Variants in MATN3 observed in about 807,000 individuals in gnomAD.
MATN3 encodes the protein matrilin-3.
MATN3 carries 48 observed loss-of-function variants against 45.3 expected under a neutral mutation model. The ratio of observed to expected loss-of-function variants is 1.06; its 90% CI spans 0.84 to 1.35. The LOEUF is 1.35. Ranked by LOEUF, MATN3 falls within the 40% of genes most tolerant of loss-of-function variation. The pLI, the probability that MATN3 is intolerant of heterozygous loss-of-function variation, is 0.00. For missense variants in MATN3, 599 were observed against 628.0 expected, an observed-to-expected ratio of 0.95 and a Z score of 0.49; for synonymous variants, 217 against 245.9, an observed-to-expected ratio of 0.88 and a Z score of 1.10.
At position 20,012,457 on chromosome 2, in the gene MATN3, C is replaced by T. The variant is rs1046832179; in HGVS notation, c.175G>A (p.Gly59Ser). The T allele has an allele frequency of 3.4e-5, 42 of 1,229,228 alleles. No homozygotes were observed. The highest frequency in any genetic ancestry group is 4.1e-5 in the Non-Finnish European group (40 of 986,402). The allele number at this position is 1,229,228 out of a possible 1,614,324, so 76.1% of individuals were successfully genotyped here. A position where few individuals can be genotyped will look rare whatever the true frequency, so the allele number is the denominator to read the frequency against. Residue 59 changes from glycine (G) to serine (S), a missense_variant, in exon 1 of 8, where the codon GGC (glycine) becomes AGC (serine). Coordinates refer to ENST00000407540, the MANE Select transcript of MATN3 (RefSeq NM_002381.5). The surrounding 1 kb of genome is among the most constrained non-coding windows in gnomAD (Gnocchi z 4.3). ...TCGCTGGTCCCGGAAGCGGGCGCGC[C>T]GTCGGGAGCCGCAGGAGAGGGGCGG... ...GRRPSPAAPD[G>S]APASGTSEPG...
rs764958397 is a variant in MATN3, at chr2:20,003,325, AGG to A, written c.791-41_791-40del. 2.3e-3 allele frequency: 3,615 copies of A among 1,553,436 alleles called. 4 individuals carry two copies. Among genetic ancestry groups the A allele is most frequent in the Non-Finnish European group, 2.9e-3 (3,314 of 1,140,502 alleles). On this transcript the variant is annotated intron_variant, in intron 2 of 7. Transcript: ENST00000407540. ...TTTACAACAGTCAGCACTGACACTTAGGAAACATCTCAGATACCGTCTCCCAT... is the reference window on the plus strand; with the variant it reads ...TTTACAACAGTCAGCACTGACACTTAAAACATCTCAGATACCGTCTCCCAT...
At chr2:20,001,344 C>T (rs1244445001) in intron 4 of MATN3, among the ~76,000 whole-genome samples, 1 of 152,196 alleles carries the variant, frequency 6.6e-6, no homozygotes, top group South Asian at 2.1e-4. Flanking sequence ...TTCACATCTC[C>T]GTCCTCTCCA....
chr2:20,000,635 C>A (rs974887194), intron 4 of MATN3, 69 bp from the exon 5 acceptor site: 1 of 1,454,262 alleles, frequency 6.9e-7, no homozygotes, highest in East Asian at 2.5e-5. Flanking sequence ...AGGATAGAAA[C>A]CTTATTTGCA....
chr2:19,994,386 C>A lies in MATN3; in HGVS notation c.1318G>T (p.Val440Phe). The change falls in exon 7 of 8, where the codon GTT becomes TTT. Residue 440 changes from valine (V) to phenylalanine (F), a missense_variant. Physicochemically the swap from Val to Phe is conservative, Grantham distance 50. Transcript: ENST00000407540. ...CATCCACAAGCATCTTCAGTGGAAACAAGTCTTCGTGCTTCCTCAGTGGCT... is the reference window on the plus strand; with the variant it reads ...CATCCACAAGCATCTTCAGTGGAAAAAAGTCTTCGTGCTTCCTCAGTGGCT... ...CSATEEARRL[V>F]STEDACGCEA... The A allele has an allele frequency of 1.2e-6, 2 of 1,612,454 alleles. No homozygotes were observed. Among genetic ancestry groups the A allele is most frequent in the South Asian group, 2.2e-5 (2 of 90,832 alleles).
At chr2:20,006,337 C>A (rs1397009175) in intron 1 of MATN3, 27 bp from the exon 2 acceptor site, 2 of 1,463,868 alleles carry the variant, frequency 1.4e-6, no homozygotes, top group Admixed American at 2.2e-5. Flanking sequence ...AATGATCAGA[C>A]CACAATTAGA....
intron 2 of MATN3, among the ~76,000 whole-genome samples, chr2:20,005,367 CAG>C (rs1277048647): frequency 1.3e-5 from 2 of 152,042 alleles, no homozygotes; most frequent in African/African-American, 2.4e-5. Context: ...AAATATGTAT[CAG>C]GGGAAAAAAA....
chr2:20,003,190 G>A lies in MATN3; in HGVS notation c.887C>T (p.Thr296Ile), dbSNP rs780933792. Residue 296 changes from threonine to isoleucine, a missense_variant, in exon 3 of 8, where the codon ACC (threonine) becomes ATC (isoleucine). Physicochemically the swap from Thr to Ile is moderately conservative, Grantham distance 89. Coordinates refer to ENST00000407540, the MANE Select transcript of MATN3 (RefSeq NM_002381.5). ...ACACGTTTTCTTGTCGGCATTCAAGGTGTATCCTTGGCTACACTCACAGTG... is the reference window on the plus strand; with the variant it reads ...ACACGTTTTCTTGTCGGCATTCAAGATGTATCCTTGGCTACACTCACAGTG... ...KHHCECSQGYTLNADKKTCSA... is the reference protein window; with the variant it reads ...KHHCECSQGYILNADKKTCSA... 3 of 1,613,892 alleles carry A rather than the reference G, an allele frequency of 1.9e-6. No individual in the cohort carries two copies. The highest frequency in any genetic ancestry group is 2.7e-5 in the African/African-American group (2 of 74,936).
chr2:20,002,263 G>T (rs1378159292), intron 3 of MATN3, among the ~76,000 whole-genome samples, 183 bp from the exon 4 acceptor site: 1 of 152,028 alleles, frequency 6.6e-6, no homozygotes, highest in Admixed American at 6.6e-5. Flanking sequence ...CTTTCACTAA[G>T]AGACCCTGTG....
intron 4 of MATN3, among the ~76,000 whole-genome samples, chr2:20,000,857 G>A (rs773674782): frequency 3.9e-5 from 6 of 152,082 alleles, no homozygotes; most frequent in Non-Finnish European, 2.9e-5. Context: ...TAGGCTTATT[G>A]TACTTATCCC....
chr2:19,998,983 G>A (rs533146932), intron 5 of MATN3, among the ~76,000 whole-genome samples: 5 of 152,148 alleles, frequency 3.3e-5, no homozygotes, highest in South Asian at 2.1e-4. Flanking sequence ...TCCTCCTAAC[G>A]TTGCTGTGAG....
At position 19,997,122 on chromosome 2, in the gene MATN3, G is replaced by A. The variant is rs752792533; in HGVS notation, c.1294+12C>T. 6.2e-7 allele frequency: 1 copy of A among 1,612,874 alleles called. No homozygotes were observed. Among genetic ancestry groups the A allele is most frequent in the African/African-American group, 1.3e-5 (1 of 74,968 alleles). On this transcript the variant is annotated intron_variant, in intron 6 of 7. Transcript: ENST00000407540. ...CTACCAAAGGAAATAGCCTTAAAGG[G>A]CTGATCCTCACCTGAACATGTTTTC... is the stretch of plus-strand genomic sequence containing the variant.
At position 20,005,876 on chromosome 2, in the gene MATN3, C is replaced by T. The variant is rs751625952; in HGVS notation, c.658G>A (p.Val220Met). 3.7e-6 allele frequency: 6 copies of T among 1,609,410 alleles called. No homozygotes were observed. The highest frequency in any genetic ancestry group is 2.7e-5 in the African/African-American group (2 of 74,966). ...GCCATGTCTGCCCGGTCCACGCCCA[C>T]AGCATAGAGCTCAATACCAGATGCT... ...AQASGIELYA[V>M]GVDRADMASL... is the part of the protein sequence containing the mutation. The change falls in exon 2 of 8, where the codon GTG (valine) becomes ATG (methionine). Residue 220 changes from valine (V) to methionine (M), a missense_variant. Val to Met is a conservative substitution (Grantham distance 21, BLOSUM62 1). Transcript: ENST00000407540.
intron 1 of MATN3, among the ~76,000 whole-genome samples, chr2:20,007,901 C>T (rs544471463): frequency 6.6e-6 from 1 of 152,338 alleles, no homozygotes; most frequent in Non-Finnish European, 1.5e-5. Context: ...CACCCTCTCT[C>T]CTCGATACAA....
rs1203662025 is a variant in MATN3 at position 20,000,449 on chromosome 2, GT to G, written c.1159del (p.Thr387HisfsTer10). On this transcript the variant is annotated frameshift_variant, in exon 5 of 8. Transcript: ENST00000407540. LOFTEE classifies it high-confidence loss of function. ...EGYTLNADKK[T>X]CSVRDKCALG... ...TTTTGAGTGGATCTTACCTGAACAT[GT>G]TTTTTTATCTGCATTCAGAGTGTAG... is the stretch of plus-strand genomic sequence containing the variant. 1 of 1,605,436 alleles carries G rather than the reference GT, an allele frequency of 6.2e-7. No homozygotes were observed. Among genetic ancestry groups the G allele is most frequent in the Admixed American group, 1.7e-5 (1 of 58,134 alleles).
Position 20,005,851 on chromosome 2 carries a change from G to A in MATN3, c.683C>T (p.Ala228Val), listed in dbSNP as rs73920488. The part of the protein sequence containing the change: ...YAVGVDRADM[A>V]SLKMMASEPL... ...CTCACTGGCCATCATCTTGAGGGAC[G>A]CCATGTCTGCCCGGTCCACGCCCAC... The change falls in exon 2 of 8, where the codon GCG becomes GTG. Residue 228 changes from alanine to valine, a missense_variant. Coordinates refer to ENST00000407540, the MANE Select transcript of MATN3 (RefSeq NM_002381.5). 4.2e-4 allele frequency: 682 copies of A among 1,609,304 alleles called. 1 individual carries two copies. In the African/African-American group the frequency reaches 7.2e-3, roughly 17 times the overall value.
At chr2:20,007,204 T>G (rs1462790928) in intron 1 of MATN3, among the ~76,000 whole-genome samples, 1 of 136,892 alleles carries the variant, frequency 7.3e-6, no homozygotes, top group Non-Finnish European at 1.6e-5. Context: ...CGAGACTCCG[T>G]CTCAAAAAAC....
At chr2:19,994,679 T>C (rs1296459007) in intron 6 of MATN3, among the ~76,000 whole-genome samples, 1 of 152,224 alleles carries the variant, frequency 6.6e-6, no homozygotes, top group Admixed American at 6.5e-5. Flanking sequence ...CTCTGTACTT[T>C]TGTGATTGCC....
At chr2:20,007,073 T>C (rs2103484512) in intron 1 of MATN3, among the ~76,000 whole-genome samples, 1 of 151,730 alleles carries the variant, frequency 6.6e-6, no homozygotes, top group Non-Finnish European at 1.5e-5. Flanking sequence ...CCGGGCGTGG[T>C]AGTGGGTGCC....
intron 1 of MATN3, among the ~76,000 whole-genome samples, chr2:20,008,135 G>C (rs1389208916): frequency 6.6e-6 from 1 of 152,124 alleles, no homozygotes; most frequent in Non-Finnish European, 1.5e-5. Context: ...GCTAATTTTT[G>C]TATTTTTCAT....
Sources: gnomAD v4.1 joint callset for allele counts (sites outside exome capture counted in the v4.1 genomes callset) on GRCh38, gnomAD v4.1.1 for gene constraint, Gnocchi (gnomAD v3.1) non-coding constraint, MANE v1.5 for transcripts, NCBI Gene and HGNC (gene_info 2026-07-23, HGNC 2026-07-21) for gene names.